Variants in FHIT observed in about 807,000 individuals in gnomAD.
The protein encoded by FHIT is bis(5'-adenosyl)-triphosphatase.
Under a neutral mutation model 17.9 loss-of-function variants are expected in FHIT, and 19 were observed. The ratio of observed to expected loss-of-function variants is 1.06; its 90% confidence interval spans 0.74 to 1.56. The LOEUF (loss-of-function observed/expected upper bound fraction) is 1.56. FHIT is among the 40% of genes most tolerant of loss of function. The pLI, the probability that FHIT is intolerant of heterozygous loss-of-function variation, is 0.00. For synonymous variants in FHIT, 81 were observed against 69.7 expected, an observed-to-expected ratio of 1.16 and a Z score of -0.81; for missense variants, 248 against 189.2, an observed-to-expected ratio of 1.31 and a Z score of -1.82.
chr3:60,159,419 C>T (rs1700842993), intron 5 of FHIT, among the ~76,000 whole-genome samples: 1 of 152,174 alleles, frequency 6.6e-6, no homozygotes, highest in South Asian at 2.1e-4. Flanking sequence ...TAATGCCCAG[C>T]CGATGTGTGT....
intron 2 of FHIT, among the ~76,000 whole-genome samples, chr3:61,096,539 C>T (rs1418835226): frequency 6.6e-6 from 1 of 152,242 alleles, no homozygotes; most frequent in Non-Finnish European, 1.5e-5. Context: ...GGATCTAGGG[C>T]AGTGTTTTCC....
intron 5 of FHIT, among the ~76,000 whole-genome samples, chr3:60,195,127 T>C (rs534475397): frequency 1.5e-4 from 23 of 152,102 alleles, no homozygotes; most frequent in African/African-American, 5.1e-4. Flanking sequence ...GATCGCGCCA[T>C]TCCACTCCAG....
At chr3:60,394,772 C>A (rs1176273117) in intron 5 of FHIT, among the ~76,000 whole-genome samples, 4 of 152,176 alleles carry the variant, frequency 2.6e-5, no homozygotes, top group African/African-American at 7.2e-5. Flanking sequence ...ATTAACTGTG[C>A]TGCTGTCAGC....
At chr3:60,982,888 C>T (rs1313582743) in intron 3 of FHIT, among the ~76,000 whole-genome samples, 1 of 152,078 alleles carries the variant, frequency 6.6e-6, no homozygotes, top group East Asian at 1.9e-4. Flanking sequence ...GTGGATGAAT[C>T]TTACTAATCT....
At chr3:60,093,230 G>A (rs931232055) in intron 5 of FHIT, among the ~76,000 whole-genome samples, 26 of 152,276 alleles carry the variant, frequency 1.7e-4, no homozygotes, top group Admixed American at 1.2e-3. Context: ...GTGCGCAGAG[G>A]TGACTTCCTT....
chr3:61,107,441 G>T (rs1157263607), intron 2 of FHIT, among the ~76,000 whole-genome samples: 1 of 152,292 alleles, frequency 6.6e-6, no homozygotes, highest in East Asian at 1.9e-4. Flanking sequence ...ACATGGGAGT[G>T]CAGATATCCT....
At chr3:60,972,736 A>T (rs1034505143) in intron 3 of FHIT, among the ~76,000 whole-genome samples, 1 of 151,926 alleles carries the variant, frequency 6.6e-6, no homozygotes, top group Non-Finnish European at 1.5e-5. Flanking sequence ...TCTCTTATAA[A>T]ATTTTCTTTA....
At chr3:61,014,239 T>C (rs956247187) in intron 3 of FHIT, among the ~76,000 whole-genome samples, 9 of 152,162 alleles carry the variant, frequency 5.9e-5, no homozygotes, top group Non-Finnish European at 7.3e-5. Context: ...TGAGATACCA[T>C]GATTCTTCGG....
chr3:60,371,379 A>C (rs1700321728), intron 5 of FHIT, among the ~76,000 whole-genome samples: 1 of 151,038 alleles, frequency 6.6e-6, no homozygotes, highest in African/African-American at 2.4e-5. Context: ...TTTTTTTAAG[A>C]GATGGGGTCT....
intron 2 of FHIT, among the ~76,000 whole-genome samples, chr3:61,064,159 G>C (rs1442217548): frequency 6.6e-6 from 1 of 152,186 alleles, no homozygotes; most frequent in Non-Finnish European, 1.5e-5. Context: ...GTGTGACTCA[G>C]TTCTAGCCAA....
At chr3:60,048,100 A>G (rs867356866) in intron 5 of FHIT, among the ~76,000 whole-genome samples, 3 of 152,076 alleles carry the variant, frequency 2.0e-5, no homozygotes, top group African/African-American at 7.2e-5. Context: ...TGTGTGTCCT[A>G]ATCTCCTCCA....
At chr3:59,966,266 C>G (rs1339504013) in intron 7 of FHIT, among the ~76,000 whole-genome samples, 1 of 152,168 alleles carries the variant, frequency 6.6e-6, no homozygotes, top group Non-Finnish European at 1.5e-5. Flanking sequence ...AAGCATGTGG[C>G]TTGGACTGGA....
At chr3:61,025,348 G>C (rs140715723) in intron 3 of FHIT, among the ~76,000 whole-genome samples, 1 of 152,186 alleles carries the variant, frequency 6.6e-6, no homozygotes, top group African/African-American at 2.4e-5. Flanking sequence ...GGCCCCAAAA[G>C]TACCCTTAGT....
chr3:61,011,885 G>A (rs976191731), intron 3 of FHIT, among the ~76,000 whole-genome samples: 4 of 152,168 alleles, frequency 2.6e-5, no homozygotes, highest in African/African-American at 9.7e-5. Context: ...TTCAGACTGA[G>A]AACTCAGAAG....
chr3:61,181,341 C>T (rs983310563), intron 2 of FHIT, among the ~76,000 whole-genome samples: 10 of 152,030 alleles, frequency 6.6e-5, no homozygotes, highest in Admixed American at 6.6e-4. Flanking sequence ...TTTGTATCTA[C>T]AAGAAGGATG....
intron 5 of FHIT, among the ~76,000 whole-genome samples, chr3:60,498,427 A>C (rs527717412): frequency 6.6e-6 from 1 of 152,338 alleles, no homozygotes; most frequent in Admixed American, 6.5e-5. Flanking sequence ...TTATGCTATT[A>C]ATGATTCCTT....
rs371565790 is a variant in FHIT, at chr3:60,896,641, T to C, written c.-110-74630A>G. Among the ~76,000 whole-genome samples the C allele has an allele frequency of 2.4e-4, 37 of 152,364 alleles. No homozygotes were observed. The South Asian group carries it at 5.0e-3, about 20-fold the overall frequency. ...GTTGTTTGATTGAAGGCCATGCCCATCTGGGAAACCACCTGGGCAGGTACC... is the reference window on the plus strand; with the variant it reads ...GTTGTTTGATTGAAGGCCATGCCCACCTGGGAAACCACCTGGGCAGGTACC... On this transcript the variant is annotated intron_variant, in intron 3 of 9. Coordinates refer to ENST00000492590, the MANE Select transcript of FHIT (RefSeq NM_002012.4).
chr3:61,060,753 G>A (rs1361595796), intron 2 of FHIT, among the ~76,000 whole-genome samples: 1 of 152,236 alleles, frequency 6.6e-6, no homozygotes, highest in Non-Finnish European at 1.5e-5. Context: ...TGTCACAGAT[G>A]TATGCGGACA....
At chr3:60,302,426 G>T (rs991983141) in intron 5 of FHIT, among the ~76,000 whole-genome samples, 2 of 151,874 alleles carry the variant, frequency 1.3e-5, no homozygotes, top group Non-Finnish European at 2.9e-5. Flanking sequence ...CATTTATCCC[G>T]AAAAAGACAA....
Sources: gnomAD v4.1 joint callset for allele counts (sites outside exome capture counted in the v4.1 genomes callset) on GRCh38, gnomAD v4.1.1 for gene constraint, MANE v1.5 for transcripts, NCBI Gene and HGNC (gene_info 2026-07-23, HGNC 2026-07-21) for gene names.